The following NEDD4 variants were observed in gnomAD, a reference collection of about 807,000 sequenced individuals.
NEDD4 encodes the protein E3 ubiquitin-protein ligase NEDD4.
Under a neutral mutation model 144.9 loss-of-function variants are expected in NEDD4, and 99 were observed. That is an observed-to-expected ratio of 0.68 (90% CI 0.58 to 0.81). The LOEUF (loss-of-function observed/expected upper bound fraction) is 0.81. Ranked by LOEUF, NEDD4 falls within the 30% of genes least tolerant of loss-of-function variation. The pLI, the probability that NEDD4 is intolerant of heterozygous loss-of-function variation, is 0.00. For missense variants in NEDD4, 985 were observed against 1,065.9 expected, an observed-to-expected ratio of 0.92 and a Z score of 1.06; for synonymous variants, 318 against 350.6, an observed-to-expected ratio of 0.91 and a Z score of 1.04.
At chr15:55,950,254 T>C (rs993793303) in intron 4 of NEDD4, among the ~76,000 whole-genome samples, 3 of 152,204 alleles carry the variant, frequency 2.0e-5, no homozygotes, top group Non-Finnish European at 4.4e-5. Flanking sequence ...TTTTATGTCA[T>C]ACTACATAGA....
intron 9 of NEDD4, 39 bp downstream of exon 9, chr15:55,862,874 T>C (rs1285247952): frequency 8.5e-6 from 13 of 1,528,464 alleles, no homozygotes; most frequent in Non-Finnish European, 1.2e-5. Context: ...GTAGTTAAAG[T>C]GTTTCCAGAT....
chr15:55,882,732 C>T (rs552187561), intron 5 of NEDD4, among the ~76,000 whole-genome samples: 1 of 152,168 alleles, frequency 6.6e-6, no homozygotes, highest in South Asian at 2.1e-4. Context: ...CCTACACCAA[C>T]CCCAGGCAGT....
At chr15:55,968,328 C>T (rs1365159455) in intron 1 of NEDD4, among the ~76,000 whole-genome samples, 1 of 151,874 alleles carries the variant, frequency 6.6e-6, no homozygotes, top group African/African-American at 2.4e-5. Context: ...TAGAATAGTT[C>T]TTTAGCATGT....
chr15:55,961,421 T>C (rs980286214), intron 2 of NEDD4, among the ~76,000 whole-genome samples: 12 of 152,174 alleles, frequency 7.9e-5, no homozygotes, highest in African/African-American at 2.9e-4. Flanking sequence ...CCACAGAAAC[T>C]GTGAGACAAT....
At chr15:55,837,615 C>T (rs1421992468) in intron 24 of NEDD4, among the ~76,000 whole-genome samples, 174 bp downstream of exon 24, 1 of 151,918 alleles carries the variant, frequency 6.6e-6, no homozygotes, top group Non-Finnish European at 1.5e-5. Flanking sequence ...TGTTTATTGT[C>T]TAGACTTCTT....
Position 55,869,560 on chromosome 15 carries a change from A to C in NEDD4, c.507+19T>G, listed in dbSNP as rs577471569. ...AATTAAAATTTTTTTAGTTTAACCA[A>C]ATATTTATAAAATCTCACCTCTAAT... On this transcript the variant is annotated intron_variant, in intron 8 of 28. Coordinates refer to ENST00000435532, the MANE Select transcript of NEDD4 (RefSeq NM_006154.4). 1.3e-5 allele frequency: 20 copies of C among 1,485,108 alleles called. No individual in the cohort carries two copies. In the South Asian group the frequency reaches 2.3e-4, roughly 17 times the overall value. 92.0% of individuals were successfully genotyped at this position (1,485,108 alleles called of 1,614,324 possible).
chr15:55,889,371 C>A (rs1463455992), intron 5 of NEDD4, among the ~76,000 whole-genome samples: 4 of 152,154 alleles, frequency 2.6e-5, no homozygotes, highest in South Asian at 2.1e-4. Context: ...TACATATACA[C>A]AATGGAGTAC....
At chr15:55,986,152 A>G (rs1230204975) in intron 1 of NEDD4, among the ~76,000 whole-genome samples, 1 of 152,186 alleles carries the variant, frequency 6.6e-6, no homozygotes, top group East Asian at 1.9e-4. Context: ...ATGACAGGAA[A>G]AGGAAAGCTC....
chr15:55,838,265 G>C lies in NEDD4; in HGVS notation c.2128-85C>G, dbSNP rs148526982. On this transcript the variant is annotated intron_variant, in intron 22 of 28. Coordinates refer to ENST00000435532, the MANE Select transcript of NEDD4 (RefSeq NM_006154.4). ...CATATTGTAGTTATACGAGAAACTT[G>C]GTGTTTTAAATTAAGTCCAGTCAAA... 2.9e-5 allele frequency: 28 copies of C among 979,068 alleles called. No homozygotes were observed. In the African/African-American group the frequency reaches 4.5e-4, roughly 16 times the overall value. 60.6% of individuals were successfully genotyped at this position (979,068 alleles called of 1,614,324 possible). A position where few individuals can be genotyped will look rare whatever the true frequency, so the allele number is the denominator to read the frequency against.
At chr15:55,932,066 T>C (rs1489391044) in intron 4 of NEDD4, among the ~76,000 whole-genome samples, 1 of 152,214 alleles carries the variant, frequency 6.6e-6, no homozygotes, top group Non-Finnish European at 1.5e-5. Flanking sequence ...AAATCTCATC[T>C]TGAATTGTAG....
intron 17 of NEDD4, 107 bp downstream of exon 17, chr15:55,848,265 A>T: frequency 9.8e-7 from 1 of 1,019,764 alleles, no homozygotes; most frequent in Non-Finnish European, 1.5e-6. Flanking sequence ...GAGAACGGCC[A>T]ATGTGCTTTC....
At chr15:55,934,925 G>C (rs1296610363) in intron 4 of NEDD4, among the ~76,000 whole-genome samples, 3 of 120,504 alleles carry the variant, frequency 2.5e-5, no homozygotes. Flanking sequence ...CTGGAGTGCA[G>C]TGGCACAATA....
At chr15:55,835,739 C>T (rs2033163990) in intron 24 of NEDD4, among the ~76,000 whole-genome samples, 1 of 152,152 alleles carries the variant, frequency 6.6e-6, no homozygotes, top group Non-Finnish European at 1.5e-5. Context: ...CCCTTAATTC[C>T]TCACCATTTC....
At chr15:55,834,430 A>G (rs958380658) in intron 24 of NEDD4, 144 bp from the exon 25 acceptor site, 1 of 616,240 alleles carries the variant, frequency 1.6e-6, no homozygotes, top group Non-Finnish European at 2.9e-6. Flanking sequence ...TGAGATCTCA[A>G]TATTGGCCAG....
At chr15:55,847,719 C>T (rs1159313426) in intron 17 of NEDD4, among the ~76,000 whole-genome samples, 2 of 145,662 alleles carry the variant, frequency 1.4e-5, no homozygotes, top group Non-Finnish European at 3.0e-5. Flanking sequence ...CTCTGTTGTC[C>T]AGGCTGGAGT....
rs77685364 is a variant in NEDD4, at chr15:55,874,978, G to GA, written c.292-971dup. Among the ~76,000 whole-genome samples, 50 of 139,248 alleles carry GA rather than the reference G, an allele frequency of 3.6e-4. 1 individual carries two copies. The highest frequency in any genetic ancestry group is 2.8e-3 in the East Asian group (13 of 4,624). 91.4% of individuals were successfully genotyped at this position (139,248 alleles called of 152,430 possible). On this transcript the variant is annotated intron_variant, in intron 5 of 28. Coordinates refer to ENST00000435532, the MANE Select transcript of NEDD4 (RefSeq NM_006154.4). ...GACAGAGTAAGACTCCGCTCAAAAAGAAAAAAAAAAAGGAAATCAACTCTC... is the reference window on the plus strand; with the variant it reads ...GACAGAGTAAGACTCCGCTCAAAAAGAAAAAAAAAAAAGGAAATCAACTCTC...
At chr15:55,937,692 G>T (rs1171179458) in intron 4 of NEDD4, among the ~76,000 whole-genome samples, 1 of 152,166 alleles carries the variant, frequency 6.6e-6, no homozygotes, top group Admixed American at 6.5e-5. Flanking sequence ...TAAATGGAAA[G>T]ACATCCTGTG....
intron 4 of NEDD4, among the ~76,000 whole-genome samples, chr15:55,941,741 CT>C (rs1459141011): frequency 2.0e-5 from 3 of 151,938 alleles, no homozygotes; most frequent in African/African-American, 7.3e-5. Flanking sequence ...TTTTTGTATA[CT>C]TTTTTTCTTT....
intron 28 of NEDD4, 131 bp from the exon 29 acceptor site, chr15:55,830,130 T>C (rs376425274): frequency 3.0e-6 from 2 of 676,426 alleles, no homozygotes; most frequent in Admixed American, 2.8e-5. Context: ...TCACCAGGGG[T>C]AGAAGTAAGA....
Sources: allele counts gnomAD v4.1 joint callset (sites outside exome capture counted in the v4.1 genomes callset), GRCh38; gene constraint gnomAD v4.1.1; transcripts MANE v1.5; gene names NCBI Gene and HGNC (gene_info 2026-07-23, HGNC 2026-07-21).